RIPOR2: variants seen among roughly 807,000 people sequenced by gnomAD.
The protein encoded by RIPOR2 is RHO family interacting cell polarization regulator 2, also known as rho family-interacting cell polarization regulator 2.
A neutral mutation model predicts 114.5 loss-of-function variants in RIPOR2; 39 were observed. That is an observed-to-expected ratio of 0.34 (90% CI 0.26 to 0.44). RIPOR2 has a LOEUF of 0.44. RIPOR2 is among the 20% of genes least tolerant of loss of function. The pLI is 1.00. For missense variants in RIPOR2, 1,007 were observed against 1,255.1 expected, an observed-to-expected ratio of 0.80 and a Z score of 2.99; for synonymous variants, 445 against 484.4, an observed-to-expected ratio of 0.92 and a Z score of 1.07.
At position 24,978,269 on chromosome 6, in the gene RIPOR2, T is replaced by C. The variant is rs73729574; in HGVS notation, c.76+63582A>G. On this transcript the variant is annotated intron_variant, in intron 1 of 13. Transcript: ENST00000510784. ...ACTGGCACGGTTTTAGGCATATCCC[T>C]TCACTTCACTGAGCCTGAATGTCCC... Among the ~76,000 whole-genome samples, 243 of 152,262 alleles carry C rather than the reference T, an allele frequency of 1.6e-3. 1 individual carries two copies. The highest frequency in any genetic ancestry group is 5.7e-3 in the African/African-American group (235 of 41,552).
intron 1 of RIPOR2, among the ~76,000 whole-genome samples, chr6:24,963,299 C>T (rs970635826): frequency 3.3e-5 from 5 of 152,192 alleles, no homozygotes; most frequent in African/African-American, 1.2e-4. Flanking sequence ...TCCCAAAGTG[C>T]TGGGATTACA....
intron 1 of RIPOR2, among the ~76,000 whole-genome samples, chr6:24,968,209 A>G (rs1034633744): frequency 6.6e-6 from 1 of 152,124 alleles, no homozygotes; most frequent in Non-Finnish European, 1.5e-5. Context: ...CCCAGCCAAG[A>G]CACCAATCTT....
chr6:25,006,461 T>C (rs1049422395), intron 1 of RIPOR2, among the ~76,000 whole-genome samples: 10 of 152,354 alleles, frequency 6.6e-5, no homozygotes, highest in Admixed American at 5.9e-4. Context: ...TAAAGTCTCA[T>C]CTGTCTTTTC....
At position 24,935,862 on chromosome 6, in the gene RIPOR2, C is replaced by G; in HGVS notation, c.37G>C (p.Glu13Gln). Residue 13 changes from glutamate (E) to glutamine (Q), a missense_variant, in exon 1 of 22, where the codon GAA becomes CAA. By Grantham distance (29) the Glu-to-Gln change is conservative (BLOSUM62 2). Coordinates refer to ENST00000643898, the MANE Select transcript of RIPOR2 (RefSeq NM_001286445.3). ...FFDAEELLVD[E>Q]EDDVFGEGLP... The stretch of plus-strand genomic sequence containing the variant: ...CCTTCACCAAAAACATCATCCTCTT[C>G]ATCGACCAGGAGCTCCTCAGCATCA... The G allele has an allele frequency of 3.9e-6, 6 of 1,535,512 alleles. No homozygotes were observed. Among genetic ancestry groups the G allele is most frequent in the Non-Finnish European group, 5.2e-6 (6 of 1,146,754 alleles).
At chr6:24,941,822 C>T (rs1291765003) in intron 1 of RIPOR2, among the ~76,000 whole-genome samples, 1 of 152,076 alleles carries the variant, frequency 6.6e-6, no homozygotes, top group African/African-American at 2.4e-5. Context: ...ACAGTCTGCC[C>T]CTCCTCCCCT....
At chr6:25,029,084 C>T (rs1050515122) in intron 1 of RIPOR2, among the ~76,000 whole-genome samples, 1 of 152,090 alleles carries the variant, frequency 6.6e-6, no homozygotes, top group African/African-American at 2.4e-5. Flanking sequence ...TTCAAGAGAT[C>T]GAGACCATCC....
intron 14 of RIPOR2, among the ~76,000 whole-genome samples, chr6:24,837,811 T>C (rs916268692): frequency 6.6e-6 from 1 of 152,176 alleles, no homozygotes; most frequent in Admixed American, 6.5e-5. Flanking sequence ...TTTTTTTTTT[T>C]CCTGGTTTTA....
rs1245257196 is a variant in RIPOR2 at position 24,913,175 on chromosome 6, GTGTA to G, written c.61+22659_61+22662del. Among the ~76,000 whole-genome samples the G allele has an allele frequency of 7.7e-4, 117 of 151,628 alleles. 1 individual carries two copies. In the South Asian group the frequency reaches 0.017, roughly 22 times the overall value. The stretch of plus-strand genomic sequence containing the variant: ...AGTGTGTGTGTGTGTGTGTGTGTGT[GTGTA>G]TGTGCACATACAGAGCAGAGACCAG... On this transcript the variant is annotated intron_variant, in intron 1 of 21. Coordinates refer to ENST00000643898, the MANE Select transcript of RIPOR2 (RefSeq NM_001286445.3).
At chr6:25,021,723 A>G (rs999475718) in intron 1 of RIPOR2, among the ~76,000 whole-genome samples, 3 of 152,234 alleles carry the variant, frequency 2.0e-5, no homozygotes, top group African/African-American at 7.2e-5. Flanking sequence ...AAATCTCACA[A>G]ATCACCACTA....
intron 1 of RIPOR2, among the ~76,000 whole-genome samples, chr6:24,999,029 C>T (rs1775176969): frequency 6.6e-6 from 1 of 152,172 alleles, no homozygotes; most frequent in African/African-American, 2.4e-5. Flanking sequence ...TTCCTTCCTC[C>T]TAATTGATCT....
rs1476895901 is a variant in RIPOR2 at position 24,875,772 on chromosome 6, G to T, written c.107C>A (p.Ser36Tyr). 13 of 1,613,500 alleles carry T rather than the reference G, an allele frequency of 8.1e-6. No homozygotes were observed. The highest frequency in any genetic ancestry group is 5.0e-5 in the Admixed American group (3 of 59,958). ...LPEIMLVGSQ[S>Y]FSPGGPNGII... Reference sequence around the variant, plus strand: ...CCCATTGGGCCCTCCAGGCGAAAAAGACTGGGATCCTACCAACATGATTTC... The same window carrying T: ...CCCATTGGGCCCTCCAGGCGAAAAATACTGGGATCCTACCAACATGATTTC... The change falls in exon 2 of 22, where the codon TCT becomes TAT. Residue 36 changes from serine to tyrosine, a missense_variant. Physicochemically the swap from Ser to Tyr is moderately radical, Grantham distance 144. Transcript: ENST00000643898.
At chr6:24,843,773 G>A (rs1023678005) in intron 12 of RIPOR2, among the ~76,000 whole-genome samples, 1 of 150,838 alleles carries the variant, frequency 6.6e-6, no homozygotes, top group Non-Finnish European at 1.5e-5. Flanking sequence ...GACCATCAAG[G>A]ACTGTTTCTA....
At chr6:25,023,379 C>A in intron 1 of RIPOR2, 4 of 781,288 alleles carry the variant, frequency 5.1e-6, no homozygotes, top group Non-Finnish European at 9.4e-6. Flanking sequence ...ACCGGCTCCT[C>A]GTTGTAGGGA....
At chr6:24,947,820 A>G (rs1380205457) in intron 1 of RIPOR2, 1 of 152,034 alleles carries the variant, frequency 6.6e-6, no homozygotes, top group African/African-American at 2.4e-5. Flanking sequence ...AAAAAATGAG[A>G]TATTGCCTCA....
At chr6:24,967,295 G>T (rs761334422) in intron 1 of RIPOR2, among the ~76,000 whole-genome samples, 1 of 152,216 alleles carries the variant, frequency 6.6e-6, no homozygotes, top group African/African-American at 2.4e-5. Context: ...ATGTGGATGT[G>T]TGGAACTGGT....
chr6:25,013,560 A>T (rs1561843184), intron 1 of RIPOR2, among the ~76,000 whole-genome samples: 1 of 152,212 alleles, frequency 6.6e-6, no homozygotes, highest in Non-Finnish European at 1.5e-5. Context: ...TTACAAATAG[A>T]CACTGAACAC....
rs1483618582 is a variant in RIPOR2, at chr6:24,843,044, T to C, written c.1675A>G (p.Thr559Ala). Reference sequence around the variant, plus strand: ...GAACCCTCAGAGAGCAGCCTGTCTGTGGCCATTGGCACCTCTGCAGATGTG... The same window carrying C: ...GAACCCTCAGAGAGCAGCCTGTCTGCGGCCATTGGCACCTCTGCAGATGTG... ...RLTSAEVPMA[T>A]DRLLSEGSVG... The change falls in exon 13 of 22, where the codon ACA (threonine) becomes GCA (alanine). Residue 559 changes from threonine to alanine, a missense_variant. Thr to Ala is a moderately conservative substitution (Grantham distance 58). Transcript: ENST00000643898. 9 of 1,612,222 alleles carry C rather than the reference T, an allele frequency of 5.6e-6. No homozygotes were observed. The highest frequency in any genetic ancestry group is 7.6e-6 in the Non-Finnish European group (9 of 1,178,556).
intron 1 of RIPOR2, among the ~76,000 whole-genome samples, chr6:24,988,058 AC>A (rs1249823472): frequency 1.3e-5 from 2 of 152,166 alleles, no homozygotes; most frequent in African/African-American, 4.8e-5. Flanking sequence ...GATTTTCAAG[AC>A]TCTTTCAGTT....
At chr6:24,855,521 C>G (rs1763380994) in intron 8 of RIPOR2, among the ~76,000 whole-genome samples, 1 of 152,218 alleles carries the variant, frequency 6.6e-6, no homozygotes, top group Non-Finnish European at 1.5e-5. Context: ...TTTTGATGAG[C>G]TGGTCCAGAA....
Sources: allele counts gnomAD v4.1 joint callset (sites outside exome capture counted in the v4.1 genomes callset), GRCh38; gene constraint gnomAD v4.1.1; transcripts MANE v1.5; gene names NCBI Gene and HGNC (gene_info 2026-07-23, HGNC 2026-07-21).